Variants in TAF4B observed in about 807,000 individuals in gnomAD.
TAF4B encodes TATA-box binding protein associated factor 4b.
TAF4B carries 38 observed loss-of-function variants against 86.4 expected under a neutral mutation model. The ratio of observed to expected loss-of-function variants is 0.44; its 90% CI spans 0.34 to 0.58. TAF4B has a LOEUF of 0.58. TAF4B is among the 20% of genes least tolerant of loss of function. The pLI is 0.02. For synonymous variants in TAF4B, 388 were observed against 391.2 expected (o/e 0.99, Z 0.10); for missense variants, 988 against 1,027.6 (o/e 0.96, Z 0.53).
chr18:26,261,301 C>T (rs996452564), intron 1 of TAF4B, among the ~76,000 whole-genome samples: 5 of 148,510 alleles, frequency 3.4e-5, no homozygotes, highest in Non-Finnish European at 7.5e-5. Flanking sequence ...CCCGGGTTCA[C>T]GCCATTCTCC....
At chr18:26,346,635 G>A (rs912380907) in intron 13 of TAF4B, among the ~76,000 whole-genome samples, 1 of 149,266 alleles carries the variant, frequency 6.7e-6, no homozygotes, top group Non-Finnish European at 1.5e-5. Flanking sequence ...ATTCTTATCA[G>A]ATTAACAGTA....
intron 13 of TAF4B, among the ~76,000 whole-genome samples, chr18:26,337,366 G>A (rs1398008741): frequency 6.6e-6 from 1 of 150,530 alleles, no homozygotes; most frequent in Non-Finnish European, 1.5e-5. Context: ...CAGTGGTAGT[G>A]TATATTGTTT....
chr18:26,331,658 CTG>C (rs958620672), intron 12 of TAF4B, among the ~76,000 whole-genome samples: 7 of 152,178 alleles, frequency 4.6e-5, no homozygotes, highest in Non-Finnish European at 8.8e-5. Flanking sequence ...TAACTCCATT[CTG>C]TGTCTCCTCT....
At chr18:26,299,479 A>G (rs1438738227) in intron 9 of TAF4B, among the ~76,000 whole-genome samples, 1 of 152,020 alleles carries the variant, frequency 6.6e-6, no homozygotes, top group Non-Finnish European at 1.5e-5. Context: ...TTTGGTCTAT[A>G]GTTTTTTGTT....
At position 26,256,375 on chromosome 18, in the gene TAF4B, A is replaced by C. The variant is rs2056084631; in HGVS notation, c.344-8795A>C. On this transcript the variant is annotated intron_variant, in intron 1 of 14. Coordinates refer to ENST00000269142, the MANE Select transcript of TAF4B (RefSeq NM_005640.3). The stretch of plus-strand genomic sequence containing the variant: ...CCAAACATCTTTTCTTCTGGGCAAA[A>C]GTCTTCCAAAAGCAGCCGTTCCACG... The C allele has an allele frequency of 5.1e-6, 7 of 1,370,742 alleles. No individual in the cohort carries two copies. The Admixed American group carries it at 1.2e-4, about 23-fold the overall frequency. The allele number at this position is 1,370,742 out of a possible 1,614,324, so 84.9% of individuals were successfully genotyped here. A position where few individuals can be genotyped will look rare whatever the true frequency, so the allele number is the denominator to read the frequency against.
intron 5 of TAF4B, among the ~76,000 whole-genome samples, chr18:26,281,206 G>T (rs1437977800): frequency 6.6e-6 from 1 of 151,924 alleles, no homozygotes; most frequent in Non-Finnish European, 1.5e-5. Flanking sequence ...TCACTACCTG[G>T]GTGACGAGAT....
intron 3 of TAF4B, among the ~76,000 whole-genome samples, chr18:26,269,672 T>C (rs1722340296): frequency 6.6e-6 from 1 of 151,732 alleles, no homozygotes; most frequent in Admixed American, 6.6e-5. Context: ...CTAATACCAT[T>C]TGTTGTCACT....
intron 1 of TAF4B, among the ~76,000 whole-genome samples, chr18:26,230,999 C>G (rs2055656781): frequency 7.0e-6 from 1 of 142,814 alleles, no homozygotes; most frequent in Non-Finnish European, 1.5e-5. Context: ...ATTTCCTCTT[C>G]AAAGTAATTG....
At chr18:26,374,068 A>G (rs1460250828) in intron 14 of TAF4B, among the ~76,000 whole-genome samples, 1 of 152,196 alleles carries the variant, frequency 6.6e-6, no homozygotes, top group Non-Finnish European at 1.5e-5. Flanking sequence ...ACAGAATTTA[A>G]GATTCCCATG....
intron 1 of TAF4B, chr18:26,256,000 A>G: frequency 1.5e-6 from 2 of 1,299,870 alleles, no homozygotes; most frequent in South Asian, 1.2e-5. Flanking sequence ...TGTGAGCATC[A>G]GAATTACGAT....
chr18:26,309,577 C>A (rs1264521826), intron 9 of TAF4B, among the ~76,000 whole-genome samples: 2 of 151,860 alleles, frequency 1.3e-5, no homozygotes. Context: ...GAAGGCAGTA[C>A]CACTCTTGAT....
intron 2 of TAF4B, chr18:26,266,013 G>A (rs1397261716): frequency 6.6e-6 from 1 of 152,124 alleles, no homozygotes; most frequent in Non-Finnish European, 1.5e-5. Flanking sequence ...GACTTCAGGT[G>A]ATCTGCCCGC....
intron 5 of TAF4B, among the ~76,000 whole-genome samples, chr18:26,281,186 A>C (rs925740902): frequency 3.9e-5 from 6 of 152,162 alleles, no homozygotes; most frequent in Admixed American, 3.9e-4. Context: ...TACCTCCTAG[A>C]TAACTGTGCT....
chr18:26,256,416 G>A (rs2056085446), intron 1 of TAF4B: 9 of 956,438 alleles, frequency 9.4e-6, no homozygotes, highest in East Asian at 2.4e-5. Context: ...TAACGTCCCC[G>A]AGGTGCAGAG....
Position 26,391,157 on chromosome 18 carries a change from G to C in TAF4B, c.*1145G>C, listed in dbSNP as rs1978684537. On this transcript the variant is annotated 3_prime_UTR_variant, in exon 15 of 15. Transcript: ENST00000269142. ...GGGATATGAGCTCTAAATATGAGAA[G>C]CAAGTTATATGTGTTCACCTGAGGA... 6.6e-6 allele frequency: 1 copy of C among 150,792 alleles called. No individual in the cohort carries two copies. 9.3% of individuals were successfully genotyped at this position (150,792 alleles called of 1,614,324 possible). A position where few individuals can be genotyped will look rare whatever the true frequency, so the allele number is the denominator to read the frequency against.
At chr18:26,334,872 AC>A (rs1281740452) in intron 12 of TAF4B, among the ~76,000 whole-genome samples, 2 of 152,004 alleles carry the variant, frequency 1.3e-5, no homozygotes, top group African/African-American at 4.8e-5. Context: ...CATCTGTACC[AC>A]CAATTTTTTA....
intron 1 of TAF4B, among the ~76,000 whole-genome samples, chr18:26,253,379 GTAGT>G (rs1323304126): frequency 1.3e-5 from 2 of 152,268 alleles, no homozygotes; most frequent in South Asian, 2.1e-4. Flanking sequence ...GTGTTTTATA[GTAGT>G]TAGTGTTTGG....
At chr18:26,346,450 A>G (rs2144715172) in intron 13 of TAF4B, among the ~76,000 whole-genome samples, 1 of 151,946 alleles carries the variant, frequency 6.6e-6, no homozygotes, top group South Asian at 2.1e-4. Flanking sequence ...TAATGAAATA[A>G]TAGCTGAAAA....
At position 26,286,256 on chromosome 18, in the gene TAF4B, A is replaced by G; in HGVS notation, c.1347A>G (p.Ser449=). The G allele has an allele frequency of 1.2e-6, 2 of 1,614,232 alleles. No individual in the cohort carries two copies. Among genetic ancestry groups the G allele is most frequent in the Admixed American group, 3.3e-5 (2 of 60,030 alleles). The part of the protein sequence containing the change: ...TSVANTVTTV[S]LQPEKPVVSG... ...TGGCAAACACAGTGACCACGGTCTC[A>G]CTGCAACCTGAAAAGCCAGTTGTCT... Residue 449 remains serine, a synonymous_variant, in exon 7 of 15, where the codon TCA becomes TCG. Transcript: ENST00000269142.
Sources: allele counts gnomAD v4.1 joint callset (sites outside exome capture counted in the v4.1 genomes callset), GRCh38; gene constraint gnomAD v4.1.1; transcripts MANE v1.5; gene names NCBI Gene and HGNC (gene_info 2026-07-23, HGNC 2026-07-21).